Variants in SUFU observed in about 807,000 individuals in gnomAD.
The protein encoded by SUFU is suppressor of fused homolog.
SUFU carries 7 observed loss-of-function variants against 58.9 expected under a neutral mutation model. The ratio of observed to expected loss-of-function variants is 0.12; its 90% CI spans 0.07 to 0.22. The LOEUF is 0.22. Ranked by LOEUF, SUFU falls within the 10% of genes least tolerant of loss-of-function variation. SUFU has a pLI of 1.00. For synonymous variants in SUFU, 232 were observed against 254.8 expected, an observed-to-expected ratio of 0.91 and a Z score of 0.85; for missense variants, 451 against 641.3, an observed-to-expected ratio of 0.70 and a Z score of 3.20.
chr10:102,509,637 A>G (rs1283515848), intron 2 of SUFU, among the ~76,000 whole-genome samples: 1 of 152,180 alleles, frequency 6.6e-6, no homozygotes, highest in Non-Finnish European at 1.5e-5. Flanking sequence ...CCCCTAGCTT[A>G]TTATGAAACA....
intron 3 of SUFU, among the ~76,000 whole-genome samples, chr10:102,555,664 A>G (rs555535554): frequency 6.6e-6 from 1 of 152,180 alleles, no homozygotes; most frequent in Non-Finnish European, 1.5e-5. Context: ...ATCCTTTAAT[A>G]AGGTGAAGAA....
chr10:102,506,859 C>G (rs1050903394), intron 1 of SUFU, among the ~76,000 whole-genome samples: 1 of 152,316 alleles, frequency 6.6e-6, no homozygotes, highest in East Asian at 1.9e-4. Flanking sequence ...CAGTGTGGCT[C>G]TGTGACTGGT....
chr10:102,617,209 C>A lies in SUFU; in HGVS notation c.1158-81C>A. ...GCCCGCGGACCATAGTCCCCACTGT[C>A]CCAGAGCCTTGGCCAGGCCTGCTGT... On this transcript the variant is annotated intron_variant, in intron 9 of 11. Coordinates refer to ENST00000369902, the MANE Select transcript of SUFU (RefSeq NM_016169.4). This position sits in a 1 kb window ranked among gnomAD's most constrained non-coding sequence, Gnocchi z 4.4. 1 of 1,601,572 alleles carries A rather than the reference C, an allele frequency of 6.2e-7. No individual in the cohort carries two copies. Among genetic ancestry groups the A allele is most frequent in the South Asian group, 1.1e-5 (1 of 90,472 alleles).
chr10:102,548,167 G>C (rs1317285341), intron 2 of SUFU, among the ~76,000 whole-genome samples: 1 of 152,010 alleles, frequency 6.6e-6, no homozygotes, highest in Non-Finnish European at 1.5e-5. Context: ...AAAATACATA[G>C]ATGATAGAGA....
intron 1 of SUFU, among the ~76,000 whole-genome samples, chr10:102,507,063 ATGCGATTTTTT>A (rs1301875067): frequency 6.6e-6 from 1 of 152,232 alleles, no homozygotes; most frequent in Non-Finnish European, 1.5e-5. Context: ...TAAGTGTAAA[ATGCGATTTTTT>A]TCCACATACT....
Position 102,504,063 on chromosome 10 carries a change from C to T in SUFU, c.-90C>T. The T allele has an allele frequency of 6.9e-7, 1 of 1,457,516 alleles. No homozygotes were observed. The highest frequency in any genetic ancestry group is 9.0e-7 in the Non-Finnish European group (1 of 1,107,122). 90.3% of individuals were successfully genotyped at this position (1,457,516 alleles called of 1,614,324 possible). On this transcript the variant is annotated 5_prime_UTR_variant, in exon 1 of 12. Transcript: ENST00000369902. ...TGCAGCCCCCATCGCCTCGGGGAGT[C>T]TCACCCACCGAGTCCGCCCGCTGGC...
chr10:102,579,231 C>T (rs1446349645), intron 3 of SUFU, among the ~76,000 whole-genome samples: 1 of 152,206 alleles, frequency 6.6e-6, no homozygotes, highest in Admixed American at 6.5e-5. Context: ...TCAGGGTCCT[C>T]ACCCTCATTG....
At chr10:102,624,174 G>A (rs2135948868) in intron 10 of SUFU, among the ~76,000 whole-genome samples, 1 of 152,266 alleles carries the variant, frequency 6.6e-6, no homozygotes, top group South Asian at 2.1e-4. Flanking sequence ...ACAGAGCCAA[G>A]CAGCTCTGTA....
At chr10:102,549,862 G>C in intron 2 of SUFU, 108 bp from the exon 3 acceptor site, 1 of 1,417,994 alleles carries the variant, frequency 7.1e-7, no homozygotes, top group Non-Finnish European at 9.9e-7. Flanking sequence ...CTGAATGGAG[G>C]ATTTGGATAC....
chr10:102,511,236 C>T (rs2135628293), intron 2 of SUFU, among the ~76,000 whole-genome samples: 1 of 150,852 alleles, frequency 6.6e-6, no homozygotes, highest in Admixed American at 6.6e-5. Flanking sequence ...TGTAATCTTT[C>T]TATGTTTGTA....
At chr10:102,592,973 G>A (rs1407534453) in intron 4 of SUFU, among the ~76,000 whole-genome samples, 1 of 152,194 alleles carries the variant, frequency 6.6e-6, no homozygotes, top group Non-Finnish European at 1.5e-5. Context: ...GGAGTAATGG[G>A]GTGGCGGGTA....
Position 102,630,128 on chromosome 10 carries a change from C to A in SUFU, c.1428C>A (p.Asp476Glu), listed in dbSNP as rs777069460. The A allele has an allele frequency of 1.2e-6, 2 of 1,614,184 alleles. No individual in the cohort carries two copies. The highest frequency in any genetic ancestry group is 1.7e-6 in the Non-Finnish European group (2 of 1,180,036). Residue 476 changes from aspartate (D) to glutamate (E), a missense_variant, in exon 12 of 12, where the codon GAC becomes GAA. Transcript: ENST00000369902. ...EKKLKVSILPDVVFDSPLH is the reference protein window; with the variant it reads ...EKKLKVSILPEVVFDSPLH ...AGCTGAAGGTCTCCATCCTGCCTGACGTGGTGTTCGACAGTCCGCTACACT... is the reference window on the plus strand; with the variant it reads ...AGCTGAAGGTCTCCATCCTGCCTGAAGTGGTGTTCGACAGTCCGCTACACT...
At chr10:102,579,939 A>C (rs1289435144) in intron 3 of SUFU, 1 of 840,198 alleles carries the variant, frequency 1.2e-6, no homozygotes, top group Non-Finnish European at 1.4e-6. Context: ...CATCTGCGCC[A>C]TTTGACCAGC....
At chr10:102,590,290 C>T (rs1428880444) in intron 3 of SUFU, among the ~76,000 whole-genome samples, 3 of 151,438 alleles carry the variant, frequency 2.0e-5, no homozygotes, top group Non-Finnish European at 2.9e-5. Context: ...CTCAGCCTCC[C>T]GAGTAGCTGG....
rs1303413943 is a variant in SUFU, at chr10:102,578,246, C to T, written c.455-14336C>T. 6.0e-5 allele frequency among the ~76,000 whole-genome samples: 9 copies of T among 149,028 alleles called. No individual in the cohort carries two copies. In the South Asian group the frequency reaches 1.7e-3, roughly 28 times the overall value. Reference sequence around the variant, plus strand: ...CAGCCTGGGCGACAAAGCGAGACTCCGTCTCAAAAAAAAAAACAAAAACAA... The same window carrying T: ...CAGCCTGGGCGACAAAGCGAGACTCTGTCTCAAAAAAAAAAACAAAAACAA... On this transcript the variant is annotated intron_variant, in intron 3 of 11. Coordinates refer to ENST00000369902, the MANE Select transcript of SUFU (RefSeq NM_016169.4).
Position 102,629,952 on chromosome 10 carries a change from C to T in SUFU, c.1366-114C>T, listed in dbSNP as rs148728085. ...CATTTGAGAATGAAGCCACGCCTCCCGCGGCCTGTCCTATCCCTAGCTCCC... is the reference window on the plus strand; with the variant it reads ...CATTTGAGAATGAAGCCACGCCTCCTGCGGCCTGTCCTATCCCTAGCTCCC... On this transcript the variant is annotated intron_variant, in intron 11 of 11. Coordinates refer to ENST00000369902, the MANE Select transcript of SUFU (RefSeq NM_016169.4). This position sits in a 1 kb window ranked among gnomAD's most constrained non-coding sequence, Gnocchi z 4.7. The T allele has an allele frequency of 2.0e-6, 2 of 975,880 alleles. No individual in the cohort carries two copies. Among genetic ancestry groups the T allele is most frequent in the South Asian group, 1.3e-5 (1 of 77,990 alleles). The allele number at this position is 975,880 out of a possible 1,614,324, so 60.5% of individuals were successfully genotyped here.
intron 3 of SUFU, among the ~76,000 whole-genome samples, chr10:102,566,990 GA>G (rs1237994267): frequency 1.6e-5 from 2 of 123,050 alleles, no homozygotes; most frequent in African/African-American, 5.9e-5. Flanking sequence ...CATTGCAAAA[GA>G]AAAGGAAACA....
chr10:102,627,719 G>A (rs752283324), intron 11 of SUFU, among the ~76,000 whole-genome samples: 6 of 152,160 alleles, frequency 3.9e-5, no homozygotes, highest in Admixed American at 1.3e-4. Flanking sequence ...TCCCTTCTTC[G>A]TCCTCCAGCC....
At chr10:102,610,324 C>T (rs945782762) in intron 8 of SUFU, among the ~76,000 whole-genome samples, 1 of 136,362 alleles carries the variant, frequency 7.3e-6, no homozygotes, top group Non-Finnish European at 1.5e-5. Flanking sequence ...ACCTGGGAGG[C>T]GGAGGTTGCA....
Sources: gnomAD v4.1 joint callset for allele counts (sites outside exome capture counted in the v4.1 genomes callset) on GRCh38, gnomAD v4.1.1 for gene constraint, Gnocchi (gnomAD v3.1) non-coding constraint, MANE v1.5 for transcripts, NCBI Gene and HGNC (gene_info 2026-07-23, HGNC 2026-07-21) for gene names.